GOLGA3: variants seen among roughly 807,000 people sequenced by gnomAD.
The protein encoded by GOLGA3 is golgin subfamily A member 3.
Under a neutral mutation model 169.4 loss-of-function variants are expected in GOLGA3, and 75 were observed. The ratio of observed to expected loss-of-function variants is 0.44; its 90% CI spans 0.37 to 0.54. The LOEUF (loss-of-function observed/expected upper bound fraction) is 0.54. Among genes scored for constraint, GOLGA3 ranks in the 20% least tolerant of loss-of-function variants. The pLI is 0.00. For synonymous variants in GOLGA3, 824 were observed against 822.4 expected, an observed-to-expected ratio of 1.00 and a Z score of -0.03; for missense variants, 1,899 against 1,930.0, an observed-to-expected ratio of 0.98 and a Z score of 0.30.
At chr12:132,816,365 ACT>A (rs1377622883) in intron 3 of GOLGA3, among the ~76,000 whole-genome samples, 173 bp downstream of exon 3, 1 of 152,000 alleles carries the variant, frequency 6.6e-6, no homozygotes, top group Non-Finnish European at 1.5e-5. Flanking sequence ...CTGCATCTTC[ACT>A]CTCTAACTTG....
In GOLGA3 at chr12:132,784,222, G is replaced by A. The variant is rs368490263; in HGVS notation, c.3209C>T (p.Ala1070Val). Residue 1070 changes from alanine to valine, a missense_variant, in exon 16 of 24, where the codon GCG becomes GTG. Coordinates refer to ENST00000450791, the MANE Select transcript of GOLGA3 (RefSeq NM_001389683.1). Reference sequence around the variant, plus strand: ...CTCCTCCAGCTCCTGGCTGGTCAGCGCTATGACCTCCTGCAGTTCCTTTTC... The same window carrying A: ...CTCCTCCAGCTCCTGGCTGGTCAGCACTATGACCTCCTGCAGTTCCTTTTC... ...LLEKELQEVI[A>V]LTSQELEESR... The A allele has an allele frequency of 1.5e-5, 24 of 1,610,886 alleles. No homozygotes were observed. Among genetic ancestry groups the A allele is most frequent in the Non-Finnish European group, 1.9e-5 (23 of 1,180,018 alleles).
At chr12:132,809,205 G>A (rs551802137) in intron 4 of GOLGA3, among the ~76,000 whole-genome samples, 3 of 152,326 alleles carry the variant, frequency 2.0e-5, no homozygotes, top group African/African-American at 7.2e-5. Context: ...GGGACTATTA[G>A]TACTTTCACT....
intron 18 of GOLGA3, among the ~76,000 whole-genome samples, chr12:132,780,080 G>A (rs1276932269): frequency 4.1e-5 from 5 of 121,628 alleles, no homozygotes; most frequent in African/African-American, 1.3e-4. Context: ...CCAGGCACAC[G>A]TGTGTGCAGA....
At chr12:132,775,610 T>A (rs918771471) in intron 21 of GOLGA3, among the ~76,000 whole-genome samples, 1 of 152,230 alleles carries the variant, frequency 6.6e-6, no homozygotes, top group Non-Finnish European at 1.5e-5. Context: ...TTGTTTTTTT[T>A]AGACACAGGG....
Position 132,777,551 on chromosome 12 carries a change from A to T in GOLGA3, c.3722+115T>A. On this transcript the variant is annotated intron_variant, in intron 19 of 23. Transcript: ENST00000450791. This position sits in a 1 kb window ranked among gnomAD's most constrained non-coding sequence, Gnocchi z 4.7. ...GCCTTCTACTCCTATGATTCACTCA[A>T]GTACTCGGCAATTTGCAAAATATAG... 8.7e-7 allele frequency: 1 copy of T among 1,156,022 alleles called. No homozygotes were observed. Among genetic ancestry groups the T allele is most frequent in the Non-Finnish European group, 1.2e-6 (1 of 807,634 alleles). The allele number at this position is 1,156,022 out of a possible 1,614,324, so 71.6% of individuals were successfully genotyped here.
intron 4 of GOLGA3, among the ~76,000 whole-genome samples, chr12:132,809,177 C>T (rs1949572544): frequency 6.6e-6 from 1 of 152,196 alleles, no homozygotes; most frequent in Admixed American, 6.5e-5. Context: ...CAGCTTACGC[C>T]ATTATTTCTG....
rs746311340 is a variant in GOLGA3 at position 132,791,199 on chromosome 12, CA to C, written c.2547+16del. 4.7e-6 allele frequency: 7 copies of C among 1,480,082 alleles called. No individual in the cohort carries two copies. The highest frequency in any genetic ancestry group is 6.6e-6 in the Non-Finnish European group (7 of 1,061,872). 91.7% of individuals were successfully genotyped at this position (1,480,082 alleles called of 1,614,324 possible). A position where few individuals can be genotyped will look rare whatever the true frequency, so the allele number is the denominator to read the frequency against. On this transcript the variant is annotated intron_variant, in intron 12 of 23. Transcript: ENST00000450791. ...ATATGCTTGTTTCAAGTGAAGAAAT[CA>C]ACAACAGATTTTTACCTTTTGTTGG...
At chr12:132,787,031 G>A (rs2045938735) in intron 13 of GOLGA3, among the ~76,000 whole-genome samples, 1 of 151,852 alleles carries the variant, frequency 6.6e-6, no homozygotes, top group Non-Finnish European at 1.5e-5. Flanking sequence ...TCAGCTCACT[G>A]CAACCTCCGC....
chr12:132,780,969 A>C, intron 17 of GOLGA3, 55 bp from the exon 18 acceptor site: 2 of 1,342,380 alleles, frequency 1.5e-6, no homozygotes, highest in Non-Finnish European at 2.1e-6. Context: ...ACAAACACAC[A>C]AGGCTGCTAC....
At chr12:132,823,526 T>C (rs1011523290) in intron 1 of GOLGA3, among the ~76,000 whole-genome samples, 7 of 152,182 alleles carry the variant, frequency 4.6e-5, no homozygotes, top group Admixed American at 1.3e-4. Flanking sequence ...TGGCTCATGC[T>C]TGTAATCCCA....
chr12:132,827,204 A>G (rs1036841249), intron 1 of GOLGA3, among the ~76,000 whole-genome samples: 1 of 152,252 alleles, frequency 6.6e-6, no homozygotes, highest in Non-Finnish European at 1.5e-5. Context: ...GAGCACAGCC[A>G]AAAACCAAAC....
intron 11 of GOLGA3, among the ~76,000 whole-genome samples, chr12:132,791,521 T>C (rs936608401): frequency 1.3e-5 from 2 of 151,040 alleles, no homozygotes; most frequent in African/African-American, 4.9e-5. Context: ...TCTGCAGCGA[T>C]GTTACACTGA....
At chr12:132,773,430 C>CTTTTTTAA in intron 23 of GOLGA3, 136 bp from the exon 24 acceptor site, 2 of 520,742 alleles carry the variant, frequency 3.8e-6, no homozygotes, top group South Asian at 5.5e-5. Context: ...ACTGAGACCA[C>CTTTTTTAA]AGAAGCTCAG....
Position 132,769,322 on chromosome 12 carries a change from T to C in GOLGA3, c.*3783A>G, listed in dbSNP as rs1287265791. 1 of 152,256 alleles carries C rather than the reference T, an allele frequency of 6.6e-6. No homozygotes were observed. The highest frequency in any genetic ancestry group is 1.5e-5 in the Non-Finnish European group (1 of 68,058). 9.4% of individuals were successfully genotyped at this position (152,256 alleles called of 1,614,324 possible). ...TGCTGGTCCCTCCCCTCCTAGAATC[T>C]TCACGTACAACATTCTGTTTTTGTT... is the stretch of plus-strand genomic sequence containing the variant. On this transcript the variant is annotated 3_prime_UTR_variant, in exon 24 of 24. Coordinates refer to ENST00000450791, the MANE Select transcript of GOLGA3 (RefSeq NM_001389683.1).
At position 132,804,599 on chromosome 12, in the gene GOLGA3, G is replaced by A. The variant is rs1268373035; in HGVS notation, c.1597+117C>T. On this transcript the variant is annotated intron_variant, in intron 7 of 23. Transcript: ENST00000450791. The surrounding 1 kb of genome is among the most constrained non-coding windows in gnomAD (Gnocchi z 4.1). ...CGGGGACCAGTCGAGGAAGGAGGAG[G>A]GAGCAGCAAGGACCAGTCAGGGAAG... is the stretch of plus-strand genomic sequence containing the variant. The A allele has an allele frequency of 1.2e-5, 10 of 807,604 alleles. No homozygotes were observed. The highest frequency in any genetic ancestry group is 8.7e-5 in the Admixed American group (4 of 45,828). The allele number at this position is 807,604 out of a possible 1,614,324, so 50.0% of individuals were successfully genotyped here.
chr12:132,795,993 G>T lies in GOLGA3; in HGVS notation c.2328C>A (p.Ile776=), dbSNP rs777083873. 3 of 1,613,588 alleles carry T rather than the reference G, an allele frequency of 1.9e-6. No individual in the cohort carries two copies. The highest frequency in any genetic ancestry group is 1.1e-5 in the South Asian group (1 of 91,074). The change falls in exon 11 of 24, where the codon ATC becomes ATA. Residue 776 remains isoleucine, a synonymous_variant. Transcript: ENST00000450791. Reference sequence around the variant, plus strand: ...CCGCCTGCAAAGCCGCCTCCAAGATGATCTTCTCGTTCTGCAGGAGGCAGA... The same window carrying T: ...CCGCCTGCAAAGCCGCCTCCAAGATTATCTTCTCGTTCTGCAGGAGGCAGA... The part of the protein sequence containing the change: ...DTICLLQNEK[I]ILEAALQAAK...
chr12:132,795,711 A>C, intron 11 of GOLGA3, 141 bp downstream of exon 11: 2 of 895,268 alleles, frequency 2.2e-6, no homozygotes, highest in Non-Finnish European at 3.4e-6. Flanking sequence ...CAGTGAGCGC[A>C]GATCATCCCA....
At chr12:132,778,533 T>C (rs1381143834) in intron 18 of GOLGA3, among the ~76,000 whole-genome samples, 1 of 151,800 alleles carries the variant, frequency 6.6e-6, no homozygotes, top group Non-Finnish European at 1.5e-5. Context: ...ATCGCGCCAC[T>C]GCACTCCGGC....
rs975894472 is a variant in GOLGA3 at position 132,777,761 on chromosome 12, G to C, written c.3627C>G (p.Phe1209Leu). The C allele has an allele frequency of 1.2e-6, 2 of 1,613,846 alleles. No homozygotes were observed. Among genetic ancestry groups the C allele is most frequent in the African/African-American group, 2.7e-5 (2 of 74,936 alleles). Residue 1209 changes from phenylalanine (F) to leucine (L), a missense_variant, in exon 19 of 24, where the codon TTC becomes TTG. Coordinates refer to ENST00000450791, the MANE Select transcript of GOLGA3 (RefSeq NM_001389683.1). This position sits in a 1 kb window ranked among gnomAD's most constrained non-coding sequence, Gnocchi z 4.7. The part of the protein sequence containing the change: ...KVEAGHNRRH[F>L]KAASLELSEV... The stretch of plus-strand genomic sequence containing the variant: ...CACTCAGCTCCAAGGAGGCCGCCTT[G>C]AAGTGGCGGCGGTTATGCCCGGCTT...
Sources: gnomAD v4.1 joint callset for allele counts (sites outside exome capture counted in the v4.1 genomes callset) on GRCh38, gnomAD v4.1.1 for gene constraint, Gnocchi (gnomAD v3.1) non-coding constraint, MANE v1.5 for transcripts, NCBI Gene and HGNC (gene_info 2026-07-23, HGNC 2026-07-21) for gene names.